SLC4A8: variants seen among roughly 807,000 people sequenced by gnomAD.
SLC4A8 encodes the protein solute carrier family 4 member 8.
A neutral mutation model predicts 125.0 loss-of-function variants in SLC4A8; 40 were observed. The observed-to-expected ratio is 0.32, with a 90% CI of 0.25 to 0.42. The LOEUF (loss-of-function observed/expected upper bound fraction) is 0.42. SLC4A8 is among the 10% of genes least tolerant of loss of function. The pLI, the probability that SLC4A8 is intolerant of heterozygous loss-of-function variation, is 1.00. For missense variants in SLC4A8, 863 were observed against 1,355.1 expected, an observed-to-expected ratio of 0.64 and a Z score of 5.70; for synonymous variants, 456 against 476.0, an observed-to-expected ratio of 0.96 and a Z score of 0.55.
chr12:51,473,396 T>C (rs1950764043), intron 14 of SLC4A8, among the ~76,000 whole-genome samples: 1 of 152,220 alleles, frequency 6.6e-6, no homozygotes, highest in Non-Finnish European at 1.5e-5. Context: ...TTCTTAGTAC[T>C]GAATAATATT....
intron 1 of SLC4A8, among the ~76,000 whole-genome samples, chr12:51,430,696 T>C (rs1001027671): frequency 1.1e-4 from 17 of 152,164 alleles, no homozygotes; most frequent in South Asian, 2.1e-4. Flanking sequence ...ATAATCGTCT[T>C]AGCTCATGGT....
In SLC4A8 at chr12:51,457,439, T is replaced by C. The variant is rs1950186853; in HGVS notation, c.663T>C (p.His221=). The change falls in exon 6 of 25, where the codon CAT becomes CAC. Residue 221 remains histidine (H), a synonymous_variant. Transcript: ENST00000453097. ...KVREALLKKH[H]HQNEKKRNNL... is the part of the protein sequence containing the mutation. ...GGGAAGCCCTTCTCAAAAAGCATCA[T>C]CATCAGAATGAAAAGAAGAGAAACA... 1 of 1,614,134 alleles carries C rather than the reference T, an allele frequency of 6.2e-7. No individual in the cohort carries two copies. The highest frequency in any genetic ancestry group is 1.7e-5 in the Admixed American group (1 of 60,020).
intron 1 of SLC4A8, among the ~76,000 whole-genome samples, chr12:51,416,138 C>A (rs1948681103): frequency 6.7e-6 from 1 of 149,810 alleles, no homozygotes; most frequent in Non-Finnish European, 1.5e-5. Context: ...GGCATTTTGC[C>A]AGCTTAGGAC....
In SLC4A8 at chr12:51,507,683, C is replaced by T. The variant is rs1407477074; in HGVS notation, c.*245C>T. On this transcript the variant is annotated 3_prime_UTR_variant, in exon 25 of 25. Coordinates refer to ENST00000453097, the MANE Select transcript of SLC4A8 (RefSeq NM_001039960.3). ...AGCAGAAGACCACCTCCTGTTGGTT[C>T]TTCTCCTCTTCCTTCTTTTTCTCTT... The T allele has an allele frequency of 2.7e-6, 1 of 373,990 alleles. No individual in the cohort carries two copies. Among genetic ancestry groups the T allele is most frequent in the Non-Finnish European group, 4.8e-6 (1 of 207,910 alleles). The allele number at this position is 373,990 out of a possible 1,614,324, so 23.2% of individuals were successfully genotyped here.
intron 16 of SLC4A8, chr12:51,480,517 G>C: frequency 1.0e-6 from 1 of 1,000,214 alleles, no homozygotes; most frequent in Non-Finnish European, 1.2e-6. Context: ...ACTGTATGTG[G>C]ATGTTCATGT....
intron 1 of SLC4A8, among the ~76,000 whole-genome samples, chr12:51,411,050 T>G (rs1278241967): frequency 6.8e-6 from 1 of 146,806 alleles, no homozygotes; most frequent in Non-Finnish European, 1.5e-5. Flanking sequence ...AATCTGTTTT[T>G]TTTTTTTTTT....
chr12:51,461,338 G>A, intron 9 of SLC4A8, 47 bp downstream of exon 9: 11 of 1,061,082 alleles, frequency 1.0e-5, no homozygotes, highest in African/African-American at 1.6e-5. Flanking sequence ...AATATTTATT[G>A]AATATTTACT....
At position 51,512,301 on chromosome 12, in the gene SLC4A8, C is replaced by T. The variant is rs995666127; in HGVS notation, c.*4863C>T. On this transcript the variant is annotated 3_prime_UTR_variant, in exon 25 of 25. Coordinates refer to ENST00000453097, the MANE Select transcript of SLC4A8 (RefSeq NM_001039960.3). ...TGCACTGGAATAAGTAGGAGGCTTT[C>T]CCCAAAGGATATGGAGACTGATGTG... 1 of 152,218 alleles carries T rather than the reference C, an allele frequency of 6.6e-6. No homozygotes were observed. The highest frequency in any genetic ancestry group is 6.5e-5 in the Admixed American group (1 of 15,286). The allele number at this position is 152,218 out of a possible 1,614,324, so 9.4% of individuals were successfully genotyped here. A position where few individuals can be genotyped will look rare whatever the true frequency, so the allele number is the denominator to read the frequency against.
At chr12:51,400,872 G>T (rs545175260) in intron 1 of SLC4A8, among the ~76,000 whole-genome samples, 46 of 136,050 alleles carry the variant, frequency 3.4e-4, no homozygotes, top group East Asian at 1.1e-3. Flanking sequence ...ACATATATAT[G>T]TATATACATA....
chr12:51,494,407 T>C (rs1038947079), intron 20 of SLC4A8: 1 of 124,124 alleles, frequency 8.1e-6, no homozygotes, highest in African/African-American at 3.1e-5. Flanking sequence ...GGCCATTCTT[T>C]TTTTTCTTTT....
intron 1 of SLC4A8, among the ~76,000 whole-genome samples, chr12:51,415,390 A>AT (rs1390416841): frequency 1.3e-5 from 2 of 152,060 alleles, no homozygotes; most frequent in Admixed American, 1.3e-4. Flanking sequence ...TTGTTGGGAG[A>AT]TATTTTATTA....
intron 1 of SLC4A8, among the ~76,000 whole-genome samples, chr12:51,396,250 G>A (rs1242755338): frequency 6.6e-6 from 1 of 152,106 alleles, no homozygotes; most frequent in Non-Finnish European, 1.5e-5. Context: ...ATAAAATGCT[G>A]TTAAAGTGCT....
chr12:51,417,621 G>A (rs10876175), intron 1 of SLC4A8, among the ~76,000 whole-genome samples: 12,674 of 151,828 alleles, frequency 0.083, 599 homozygotes, highest in East Asian at 0.22. Flanking sequence ...GGGTTCAAGC[G>A]ATTCTCCTGC....
chr12:51,449,302 G>A (rs1565783856), intron 2 of SLC4A8, among the ~76,000 whole-genome samples: 1 of 152,128 alleles, frequency 6.6e-6, no homozygotes, highest in Admixed American at 6.6e-5. Context: ...GCTGGGCGTG[G>A]TGGTACACGC....
Position 51,424,901 on chromosome 12 carries a change from C to T in SLC4A8, c.-87C>T. ...TGGCTCCGGGGTGGGGGTCGCCGTT[C>T]GAGTGATCTGCTCAGACCCGACCAG... On this transcript the variant is annotated 5_prime_UTR_variant, in exon 1 of 25. Coordinates refer to ENST00000453097, the MANE Select transcript of SLC4A8 (RefSeq NM_001039960.3). 2 of 1,405,042 alleles carry T rather than the reference C, an allele frequency of 1.4e-6. No homozygotes were observed. The highest frequency in any genetic ancestry group is 2.5e-5 in the South Asian group (2 of 79,854). 87.0% of individuals were successfully genotyped at this position (1,405,042 alleles called of 1,614,324 possible).
intron 16 of SLC4A8, among the ~76,000 whole-genome samples, chr12:51,482,560 A>C (rs1489467029): frequency 6.6e-6 from 1 of 152,074 alleles, no homozygotes; most frequent in African/African-American, 2.4e-5. Context: ...TTCTATTTTT[A>C]GTAGTGACAG....
intron 1 of SLC4A8, among the ~76,000 whole-genome samples, chr12:51,416,819 C>T (rs2137988514): frequency 6.6e-6 from 1 of 152,198 alleles, no homozygotes; most frequent in Non-Finnish European, 1.5e-5. Context: ...GGTACTCTAC[C>T]TTAACACTGC....
upstream of SLC4A8, among the ~76,000 whole-genome samples, chr12:51,420,981 T>A (rs937901391): frequency 6.6e-6 from 1 of 152,162 alleles, no homozygotes; most frequent in Admixed American, 6.6e-5. Flanking sequence ...AGTGAGGCTA[T>A]CCATGTAGCA....
At chr12:51,486,625 T>C (rs1951170367) in intron 17 of SLC4A8, among the ~76,000 whole-genome samples, 2 of 152,052 alleles carry the variant, frequency 1.3e-5, no homozygotes, top group South Asian at 4.2e-4. Context: ...CCCCATAGGG[T>C]GAGGGGAGAG....
Sources: allele counts gnomAD v4.1 joint callset (sites outside exome capture counted in the v4.1 genomes callset), GRCh38; gene constraint gnomAD v4.1.1; transcripts MANE v1.5; gene names NCBI Gene and HGNC (gene_info 2026-07-23, HGNC 2026-07-21).